Variants in CDYL observed in about 807,000 individuals in gnomAD.
CDYL encodes chromodomain Y-like protein.
Under a neutral mutation model 47.3 loss-of-function variants are expected in CDYL, and 8 were observed. That is an observed-to-expected ratio of 0.17 (90% confidence interval 0.10 to 0.31). CDYL has a LOEUF of 0.31. Ranked by LOEUF, CDYL falls within the 10% of genes least tolerant of loss-of-function variation. The probability of loss-of-function intolerance (pLI) is 1.00; values close to 1 mark genes in which losing one functional copy is unlikely to be tolerated. For synonymous variants in CDYL, 266 were observed against 265.0 expected (o/e 1.00, Z -0.04); for missense variants, 471 against 701.4 (o/e 0.67, Z 3.71).
chr6:4,750,077 C>G (rs991764154), intron 3 of CDYL, among the ~76,000 whole-genome samples: 2 of 152,052 alleles, frequency 1.3e-5, no homozygotes, highest in African/African-American at 4.8e-5. Flanking sequence ...GGTGGCTCAC[C>G]CCTGTAATCT....
At chr6:4,945,043 G>A (rs994060115) in intron 5 of CDYL, among the ~76,000 whole-genome samples, 1 of 152,130 alleles carries the variant, frequency 6.6e-6, no homozygotes, top group Non-Finnish European at 1.5e-5. Context: ...CGGAGAAGAC[G>A]TGGAAAGACT....
Position 4,758,236 on chromosome 6 carries a change from G to A in CDYL, c.186+23392G>A, listed in dbSNP as rs572728881. Among the ~76,000 whole-genome samples, 24 of 151,880 alleles carry A rather than the reference G, an allele frequency of 1.6e-4. No homozygotes were observed. The South Asian group carries it at 3.9e-3, about 25-fold the overall frequency. ...TGCCTGTAGTCCCAGTTAATTGGGAGGCTGAAGTAGGAGAATCACTTGAAC... is the reference window on the plus strand; with the variant it reads ...TGCCTGTAGTCCCAGTTAATTGGGAAGCTGAAGTAGGAGAATCACTTGAAC... On this transcript the variant is annotated intron_variant, in intron 3 of 8. Transcript: ENST00000328908.
At chr6:4,905,205 C>T (rs914868655) in intron 2 of CDYL, among the ~76,000 whole-genome samples, 2 of 152,086 alleles carry the variant, frequency 1.3e-5, no homozygotes, top group Non-Finnish European at 2.9e-5. Flanking sequence ...AGTGAGTTTG[C>T]GCATGGCTTG....
chr6:4,750,787 G>T (rs566722715), intron 3 of CDYL, among the ~76,000 whole-genome samples: 2 of 151,438 alleles, frequency 1.3e-5, no homozygotes, highest in East Asian at 3.9e-4. Context: ...AAAATCACGC[G>T]TGTCTTTCTA....
chr6:4,717,706 A>C (rs1484035402), intron 2 of CDYL, among the ~76,000 whole-genome samples: 127 of 14,320 alleles, frequency 8.9e-3, no homozygotes, highest in Non-Finnish European at 0.035. Flanking sequence ...ACCCTCACAA[A>C]AAAAAAAAAA....
chr6:4,836,518 C>G (rs544640151), intron 1 of CDYL, among the ~76,000 whole-genome samples: 104 of 152,144 alleles, frequency 6.8e-4, no homozygotes, highest in Non-Finnish European at 1.3e-3. Context: ...GAGCATGGCT[C>G]TCACCAGCCT....
chr6:4,863,271 A>C (rs1358048812), intron 1 of CDYL, among the ~76,000 whole-genome samples: 1 of 152,214 alleles, frequency 6.6e-6, no homozygotes, highest in Non-Finnish European at 1.5e-5. Context: ...TGTTTGAGTA[A>C]TGGGTTCACG....
chr6:4,902,772 C>A (rs1757108326), intron 2 of CDYL, among the ~76,000 whole-genome samples: 1 of 152,152 alleles, frequency 6.6e-6, no homozygotes, highest in African/African-American at 2.4e-5. Context: ...GCTCTTTTGC[C>A]TTGGGTGCAG....
In CDYL at chr6:4,864,501, G is replaced by A. The variant is rs112124149; in HGVS notation, c.25-27212G>A. On this transcript the variant is annotated intron_variant, in intron 1 of 6. Coordinates refer to ENST00000397588, the MANE Select transcript of CDYL (RefSeq NM_004824.4). Reference sequence around the variant, plus strand: ...AATAACTTTAGATTTTAATAGATAAGCATGCTGATATGGTTTGGCTGTGTC... The same window carrying A: ...AATAACTTTAGATTTTAATAGATAAACATGCTGATATGGTTTGGCTGTGTC... Among the ~76,000 whole-genome samples, 1,136 of 152,198 alleles carry A rather than the reference G, an allele frequency of 7.5e-3. 14 individuals are homozygous for A. Among genetic ancestry groups the A allele is most frequent in the African/African-American group, 0.026 (1,093 of 41,510 alleles).
At chr6:4,874,965 C>G (rs1761579253) in intron 1 of CDYL, among the ~76,000 whole-genome samples, 1 of 152,134 alleles carries the variant, frequency 6.6e-6, no homozygotes, top group African/African-American at 2.4e-5. Flanking sequence ...TGGGCTGATT[C>G]CGTTTCTGGT....
intron 1 of CDYL, chr6:4,890,089 A>G (rs776974852): frequency 3.5e-5 from 34 of 985,322 alleles, no homozygotes; most frequent in Non-Finnish European, 3.9e-5. Flanking sequence ...ACTCTGGTTT[A>G]GTATACTGCC....
chr6:4,809,549 C>T (rs1015286208), intron 1 of CDYL, among the ~76,000 whole-genome samples: 2 of 147,374 alleles, frequency 1.4e-5, no homozygotes, highest in South Asian at 4.5e-4. Flanking sequence ...TTATATTAGT[C>T]CTTGGTGATA....
chr6:4,819,162 C>CTGTGTGTGTGTG (rs374323088), intron 1 of CDYL, among the ~76,000 whole-genome samples: 20 of 111,996 alleles, frequency 1.8e-4, no homozygotes, highest in African/African-American at 8.7e-4. Context: ...CTCTCTCTCT[C>CTGTGTGTGTGTG]TGTGTGTGTG....
intron 2 of CDYL, among the ~76,000 whole-genome samples, chr6:4,903,690 G>T (rs551327746): frequency 6.6e-6 from 1 of 152,158 alleles, no homozygotes; most frequent in African/African-American, 2.4e-5. Context: ...TTGTGTGCTC[G>T]GCCCCTGCAG....
chr6:4,771,894 A>G (rs73360686), upstream of CDYL, among the ~76,000 whole-genome samples: 2,055 of 152,350 alleles, frequency 0.013, 36 homozygotes, highest in African/African-American at 0.045. Context: ...AACCAAAATT[A>G]TGGGAATACC....
rs116823876 is a variant in CDYL, at chr6:4,908,996, G to T, written c.691+16617G>T. On this transcript the variant is annotated intron_variant, in intron 2 of 6. Transcript: ENST00000397588. ...GTGGGATTTAAAAGTTTCCATGTTC[G>T]TGTACAGGAGTGTACAAAATATGCA... 3.2e-3 allele frequency among the ~76,000 whole-genome samples: 483 copies of T among 152,324 alleles called. 1 individual carries two copies. The highest frequency in any genetic ancestry group is 5.4e-3 in the Non-Finnish European group (370 of 68,034).
At chr6:4,850,459 T>C (rs1266021835) in intron 1 of CDYL, among the ~76,000 whole-genome samples, 3 of 152,108 alleles carry the variant, frequency 2.0e-5, no homozygotes, top group East Asian at 3.9e-4. Context: ...GAACTCACAG[T>C]GGTTTTATTT....
rs544345644 is a variant in CDYL, at chr6:4,712,097, A to G, written c.-38-3644A>G. Among the ~76,000 whole-genome samples the G allele has an allele frequency of 9.2e-5, 14 of 152,268 alleles. No individual in the cohort carries two copies. The East Asian group carries it at 2.7e-3, about 29-fold the overall frequency. Reference sequence around the variant, plus strand: ...AAAATGAAAGAAAAAGAAAAAATATATAACAGTTAAGTAGAAGCAGAAGCT... The same window carrying G: ...AAAATGAAAGAAAAAGAAAAAATATGTAACAGTTAAGTAGAAGCAGAAGCT... On this transcript the variant is annotated intron_variant, in intron 1 of 8. Coordinates refer to the CDYL transcript ENST00000328908.
intron 5 of CDYL, among the ~76,000 whole-genome samples, chr6:4,950,075 G>C (rs572775243): frequency 4.6e-5 from 7 of 152,172 alleles, no homozygotes; most frequent in African/African-American, 1.7e-4. Flanking sequence ...GAGAAGGGCC[G>C]TTCTCGGCTG....
Sources: allele counts gnomAD v4.1 joint callset (sites outside exome capture counted in the v4.1 genomes callset), GRCh38; gene constraint gnomAD v4.1.1; transcripts MANE v1.5; gene names NCBI Gene and HGNC (gene_info 2026-07-23, HGNC 2026-07-21).